PHF24: variants seen among roughly 807,000 people sequenced by gnomAD.
PHF24 encodes PHD finger protein 24, also known as Galpha inhibitory interacting protein.
PHF24 carries 25 observed loss-of-function variants against 42.6 expected under a neutral mutation model. The observed-to-expected ratio is 0.59, with a 90% confidence interval of 0.43 to 0.82. The LOEUF is 0.82. Among genes scored for constraint, PHF24 ranks in the 40% least tolerant of loss-of-function variants. PHF24 has a pLI of 0.00. For synonymous variants in PHF24, 185 were observed against 204.8 expected (o/e 0.90, Z 0.83); for missense variants, 470 against 538.1 (o/e 0.87, Z 1.25).
At chr9:34,671,930 T>C in the PHF24 span, among the ~76,000 whole-genome samples, 1 of 152,244 alleles carries the variant, frequency 6.6e-6, no homozygotes, top group Non-Finnish European at 1.5e-5. Context: ...TATTTTTTCA[T>C]ATATTCATTG....
the PHF24 span, among the ~76,000 whole-genome samples, chr9:34,759,346 G>T: frequency 6.6e-6 from 1 of 152,146 alleles, no homozygotes; most frequent in African/African-American, 2.4e-5. Flanking sequence ...ACCTCATCAT[G>T]TTATTATAAA....
the PHF24 span, among the ~76,000 whole-genome samples, chr9:34,929,002 C>T: frequency 6.6e-6 from 1 of 152,200 alleles, no homozygotes; most frequent in African/African-American, 2.4e-5. Flanking sequence ...TTCAGCAGCA[C>T]TCCCTAGACA....
the PHF24 span, among the ~76,000 whole-genome samples, chr9:34,693,429 T>C: frequency 6.6e-6 from 1 of 152,206 alleles, no homozygotes; most frequent in Non-Finnish European, 1.5e-5. Flanking sequence ...CTGTGGCAGT[T>C]GTTCTCAAAG....
chr9:34,822,778 G>T, the PHF24 span, among the ~76,000 whole-genome samples: 2 of 152,258 alleles, frequency 1.3e-5, no homozygotes, highest in South Asian at 4.1e-4. Context: ...TTTTTACCAG[G>T]TTATCCAGGA....
chr9:34,766,892 T>C, the PHF24 span, among the ~76,000 whole-genome samples: 2 of 152,222 alleles, frequency 1.3e-5, no homozygotes, highest in South Asian at 2.1e-4. Flanking sequence ...GTGGATGTCC[T>C]TTCTGTTCGT....
At chr9:34,741,441 C>G in the PHF24 span, among the ~76,000 whole-genome samples, 1 of 151,962 alleles carries the variant, frequency 6.6e-6, no homozygotes, top group African/African-American at 2.4e-5. Context: ...TGGCTCACCG[C>G]AACCTCCACC....
chr9:34,875,457 A>G, the PHF24 span, among the ~76,000 whole-genome samples: 2 of 152,216 alleles, frequency 1.3e-5, no homozygotes, highest in African/African-American at 4.8e-5. Context: ...TTATTGAAAT[A>G]TGATAGAAAA....
At chr9:34,793,124 T>A in the PHF24 span, among the ~76,000 whole-genome samples, 1 of 152,080 alleles carries the variant, frequency 6.6e-6, no homozygotes, top group South Asian at 2.1e-4. Context: ...ATAATTCTTA[T>A]GAGATCATGG....
At chr9:34,867,485 C>G in the PHF24 span, among the ~76,000 whole-genome samples, 1 of 152,086 alleles carries the variant, frequency 6.6e-6, no homozygotes, top group East Asian at 1.9e-4. Flanking sequence ...AGGCTACTGC[C>G]AAGTGACAGA....
At chr9:34,959,144 T>C (rs1013501832) in intron 1 of PHF24, among the ~76,000 whole-genome samples, 3 of 152,210 alleles carry the variant, frequency 2.0e-5, no homozygotes, top group African/African-American at 7.2e-5. Flanking sequence ...AAGCCGAGGA[T>C]GAGGACCAGT....
chr9:34,875,944 A>ACTCTCTCTCTCT, the PHF24 span, among the ~76,000 whole-genome samples: 32 of 85,678 alleles, frequency 3.7e-4, no homozygotes, highest in African/African-American at 1.6e-3. Flanking sequence ...ACACACACAC[A>ACTCTCTCTCTCT]CACACACTCT....
At chr9:34,842,209 A>G in the PHF24 span, among the ~76,000 whole-genome samples, 2 of 152,220 alleles carry the variant, frequency 1.3e-5, no homozygotes, top group Admixed American at 6.5e-5. Context: ...GTATGCATAT[A>G]TAACAATTTG....
chr9:34,923,942 T>G, the PHF24 span, among the ~76,000 whole-genome samples: 143 of 152,236 alleles, frequency 9.4e-4, no homozygotes, highest in African/African-American at 3.4e-3. Flanking sequence ...AGGCACTTAT[T>G]GCTATAAATT....
chr9:34,962,496 G>A (rs1328361976), intron 1 of PHF24, among the ~76,000 whole-genome samples: 1 of 151,840 alleles, frequency 6.6e-6, no homozygotes, highest in Non-Finnish European at 1.5e-5. Flanking sequence ...CAGGCTGAAT[G>A]AGCTTCCATT....
chr9:34,881,912 C>G, the PHF24 span, among the ~76,000 whole-genome samples: 1 of 152,048 alleles, frequency 6.6e-6, no homozygotes, highest in African/African-American at 2.4e-5. Context: ...ACAACAAAAA[C>G]AGAGAATTTT....
At chr9:34,709,604 A>C in the PHF24 span, 18 of 1,613,970 alleles carry the variant, frequency 1.1e-5, no homozygotes, top group Non-Finnish European at 1.5e-5. Flanking sequence ...TCTTGTCCAG[A>C]TGCTGCATCA....
the PHF24 span, among the ~76,000 whole-genome samples, chr9:34,677,517 C>T: frequency 2.6e-5 from 4 of 151,128 alleles, no homozygotes; most frequent in Non-Finnish European, 4.4e-5. Flanking sequence ...CTGCCTTAAC[C>T]TCCCGAGTAG....
At chr9:34,892,654 C>T in the PHF24 span, 1 of 457,916 alleles carries the variant, frequency 2.2e-6, no homozygotes, top group East Asian at 3.2e-5. Context: ...TCAAGGGCTG[C>T]TGACCTTGGT....
At chr9:34,746,155 G>C in the PHF24 span, among the ~76,000 whole-genome samples, 1 of 152,126 alleles carries the variant, frequency 6.6e-6, no homozygotes, top group Non-Finnish European at 1.5e-5. Context: ...GAGGGGTTCT[G>C]GTAAAAACCA....
Sources: gnomAD v4.1 joint callset for allele counts (sites outside exome capture counted in the v4.1 genomes callset) on GRCh38, gnomAD v4.1.1 for gene constraint, MANE v1.5 for transcripts, NCBI Gene and HGNC (gene_info 2026-07-23, HGNC 2026-07-21) for gene names.